IRGM: variants seen among roughly 807,000 people sequenced by gnomAD.
IRGM encodes the protein immunity related GTPase M.
For missense variants in IRGM, 288 were observed against 219.9 expected (o/e 1.31, Z -1.96); for synonymous variants, 98 against 80.6 (o/e 1.22, Z -1.16).
intron 1 of IRGM, among the ~76,000 whole-genome samples, chr5:150,865,401 G>A: frequency 6.8e-6 from 1 of 147,848 alleles, no homozygotes; most frequent in South Asian, 2.1e-4. Flanking sequence ...AATGTTAATA[G>A]ACTAAATATT....
downstream of IRGM, among the ~76,000 whole-genome samples, chr5:150,902,088 T>C (rs916341294): frequency 2.6e-5 from 4 of 152,310 alleles, no homozygotes; most frequent in African/African-American, 9.6e-5. Context: ...CTGATTATCC[T>C]GGGAGAAGGT....
chr5:150,884,351 T>C (rs1021970216), intron 3 of IRGM, among the ~76,000 whole-genome samples: 1 of 152,124 alleles, frequency 6.6e-6, no homozygotes, highest in Admixed American at 6.5e-5. Flanking sequence ...TCCATGTCTT[T>C]GCTATTGTGA....
At chr5:150,899,265 A>G (rs1212377040) in intron 3 of IRGM, among the ~76,000 whole-genome samples, 1 of 152,064 alleles carries the variant, frequency 6.6e-6, no homozygotes, top group African/African-American at 2.4e-5. Flanking sequence ...AAACCAATAC[A>G]CTATATAATA....
At chr5:150,881,729 A>C (rs1219139049) in intron 3 of IRGM, among the ~76,000 whole-genome samples, 1 of 152,192 alleles carries the variant, frequency 6.6e-6, no homozygotes, top group Non-Finnish European at 1.5e-5. Flanking sequence ...CAATATCAAC[A>C]ACAACATGTG....
chr5:150,848,758 A>G (rs966010625), downstream of IRGM: 2 of 924,214 alleles, frequency 2.2e-6, no homozygotes, highest in Admixed American at 5.7e-5. Context: ...CACCTGGTGC[A>G]GAAGGGTATC....
intron 1 of IRGM, among the ~76,000 whole-genome samples, chr5:150,866,908 A>T (rs1754215242): frequency 6.6e-6 from 1 of 151,854 alleles, no homozygotes; most frequent in Admixed American, 6.6e-5. Context: ...TTTGCAAGTG[A>T]TTTTTTTTGC....
chr5:150,902,078 C>T (rs188467731), downstream of IRGM, among the ~76,000 whole-genome samples: 1 of 152,242 alleles, frequency 6.6e-6, no homozygotes, highest in Admixed American at 6.5e-5. Context: ...ATGGTTAACA[C>T]TGATTATCCT....
intron 1 of IRGM, among the ~76,000 whole-genome samples, chr5:150,860,698 T>A (rs984819238): frequency 2.0e-5 from 3 of 152,194 alleles, no homozygotes; most frequent in African/African-American, 7.2e-5. Context: ...GGCCACTGTT[T>A]GCCACCACTA....
intron 1 of IRGM, among the ~76,000 whole-genome samples, chr5:150,861,989 A>G (rs1351302673): frequency 3.3e-5 from 5 of 152,256 alleles, no homozygotes; most frequent in African/African-American, 1.2e-4. Context: ...AAGCCCAGGT[A>G]CAATTGGGCT....
At position 150,848,381 on chromosome 5, in the gene IRGM, G is replaced by C; in HGVS notation, c.258G>C (p.Val86=). 6.4e-7 allele frequency: 1 copy of C among 1,551,806 alleles called. No individual in the cohort carries two copies. The highest frequency in any genetic ancestry group is 8.7e-7 in the Non-Finnish European group (1 of 1,146,970). Residue 86 remains valine (V), a synonymous_variant, in exon 2 of 2, where the codon GTG becomes GTC. Coordinates refer to ENST00000522154, the MANE Select transcript of IRGM (RefSeq NM_001145805.2). ...ASYFSSHFSN[V]VLWDLPGTGS... is the part of the protein sequence containing the mutation. ...ATTTCTCTTCCCACTTTTCAAATGT[G>C]GTGTTGTGGGACCTGCCTGGCACAG... is the stretch of plus-strand genomic sequence containing the variant.
chr5:150,864,960 G>T (rs1406962259), intron 1 of IRGM, among the ~76,000 whole-genome samples: 3 of 152,202 alleles, frequency 2.0e-5, no homozygotes, highest in African/African-American at 7.2e-5. Context: ...AGAGTTATAA[G>T]GAGAAGGTGA....
chr5:150,896,412 T>C, intron 3 of IRGM: 2 of 1,613,718 alleles, frequency 1.2e-6, no homozygotes, highest in Non-Finnish European at 1.7e-6. Context: ...AGCAAAGGCT[T>C]TTCCACATGT....
intron 1 of IRGM, among the ~76,000 whole-genome samples, chr5:150,864,382 T>C (rs1315988991): frequency 2.0e-5 from 3 of 152,236 alleles, no homozygotes; most frequent in African/African-American, 7.2e-5. Flanking sequence ...TTTTCTTCTA[T>C]GTAGATTTCC....
At chr5:150,857,418 A>C (rs1019451115) in intron 1 of IRGM, among the ~76,000 whole-genome samples, 65 of 152,314 alleles carry the variant, frequency 4.3e-4, no homozygotes, top group African/African-American at 1.5e-3. Context: ...TTATAGCATG[A>C]TTTATATTCC....
chr5:150,855,523 A>T (rs1754037127), intron 1 of IRGM, among the ~76,000 whole-genome samples: 2 of 152,204 alleles, frequency 1.3e-5, no homozygotes, highest in African/African-American at 4.8e-5. Flanking sequence ...ATGGGAAGTG[A>T]TCAGATTAGG....
At chr5:150,899,809 C>A (rs535967297) in intron 3 of IRGM, among the ~76,000 whole-genome samples, 1 of 152,214 alleles carries the variant, frequency 6.6e-6, no homozygotes, top group South Asian at 2.1e-4. Flanking sequence ...TAATAGTGAT[C>A]TGTATTATTT....
At chr5:150,849,535 A>G (rs1264986393), downstream of IRGM, among the ~76,000 whole-genome samples, 1 of 152,092 alleles carries the variant, frequency 6.6e-6, no homozygotes, top group Non-Finnish European at 1.5e-5. Flanking sequence ...TTTAGTTAAA[A>G]GTAAAATGAT....
At chr5:150,889,947 T>C (rs1028659445) in intron 3 of IRGM, among the ~76,000 whole-genome samples, 15 of 152,100 alleles carry the variant, frequency 9.9e-5, no homozygotes, top group Admixed American at 4.6e-4. Context: ...TTTGCATCAA[T>C]AGTTATGAGG....
At chr5:150,893,595 T>C (rs897556359) in intron 3 of IRGM, among the ~76,000 whole-genome samples, 1 of 152,102 alleles carries the variant, frequency 6.6e-6, no homozygotes, top group Admixed American at 6.6e-5. Context: ...TTAAAAAATA[T>C]ATAAAGAACA....
Sources: gnomAD v4.1 joint callset for allele counts (sites outside exome capture counted in the v4.1 genomes callset) on GRCh38, gnomAD v4.1.1 for gene constraint, MANE v1.5 for transcripts, NCBI Gene and HGNC (gene_info 2026-07-23, HGNC 2026-07-21) for gene names.